The following PLCB4 variants were observed in gnomAD, a reference collection of about 807,000 sequenced individuals.
The protein encoded by PLCB4 is 1-phosphatidylinositol 4,5-bisphosphate phosphodiesterase beta-4.
Under a neutral mutation model 178.8 loss-of-function variants are expected in PLCB4, and 77 were observed. The observed-to-expected ratio is 0.43, with a 90% CI of 0.36 to 0.52. The LOEUF (loss-of-function observed/expected upper bound fraction) is 0.52, where lower values mean the gene tolerates loss of function less well. PLCB4 is among the 20% of genes least tolerant of loss of function. The pLI is 0.00. For synonymous variants in PLCB4, 496 were observed against 490.8 expected (o/e 1.01, Z -0.14); for missense variants, 1,024 against 1,453.4 (o/e 0.70, Z 4.80).
At chr20:9,378,052 A>G (rs1194658629) in intron 12 of PLCB4, among the ~76,000 whole-genome samples, 1 of 152,104 alleles carries the variant, frequency 6.6e-6, no homozygotes, top group Non-Finnish European at 1.5e-5. Flanking sequence ...CCATCCACAG[A>G]TCACACTTCA....
At chr20:9,280,467 A>T in intron 3 of PLCB4, 1 of 984,380 alleles carries the variant, frequency 1.0e-6, no homozygotes, top group Non-Finnish European at 1.2e-6. Context: ...AGGGAAGGGA[A>T]AAAAAGGAGG....
chr20:9,344,265 C>T (rs909277383), intron 7 of PLCB4, among the ~76,000 whole-genome samples: 1 of 152,188 alleles, frequency 6.6e-6, no homozygotes, highest in Non-Finnish European at 1.5e-5. Flanking sequence ...GCTTTCTCCC[C>T]CACAGCCCTC....
intron 18 of PLCB4, 130 bp downstream of exon 18, chr20:9,393,808 C>T (rs1298816999): frequency 1.9e-6 from 1 of 515,752 alleles, no homozygotes; most frequent in Non-Finnish European, 3.4e-6. Flanking sequence ...GTTACAGGTA[C>T]TTTTCAGAGC....
intron 2 of PLCB4, among the ~76,000 whole-genome samples, chr20:9,203,056 A>ATATAT (rs1555875421): frequency 7.5e-4 from 95 of 126,122 alleles, no homozygotes; most frequent in African/African-American, 2.3e-3. Context: ...AAAAAAAAAA[A>ATATAT]ATATATATAT....
At chr20:9,085,216 C>T (rs1488635207) in intron 1 of PLCB4, among the ~76,000 whole-genome samples, 2 of 152,122 alleles carry the variant, frequency 1.3e-5, no homozygotes, top group South Asian at 4.1e-4. Context: ...GACATAGCTA[C>T]AGCATAGAAT....
chr20:9,202,781 A>G (rs1455910296), intron 2 of PLCB4, among the ~76,000 whole-genome samples: 1 of 152,124 alleles, frequency 6.6e-6, no homozygotes, highest in African/African-American at 2.4e-5. Context: ...TGAATAGGAA[A>G]CAGAATCAGA....
intron 26 of PLCB4, among the ~76,000 whole-genome samples, chr20:9,420,438 A>G (rs4816136): frequency 0.087 from 13,206 of 151,950 alleles, 877 homozygotes; most frequent in East Asian, 0.24. Flanking sequence ...CCCGGTTTCA[A>G]GTGATTCTCC....
At chr20:9,444,141 C>CA in intron 31 of PLCB4, 37 bp from the exon 32 acceptor site, 1 of 1,528,714 alleles carries the variant, frequency 6.5e-7, no homozygotes. Context: ...AAAGAAAAAA[C>CA]AAAAAACCTA....
At chr20:9,119,741 T>C (rs2091897171) in intron 2 of PLCB4, among the ~76,000 whole-genome samples, 1 of 152,250 alleles carries the variant, frequency 6.6e-6, no homozygotes, top group Non-Finnish European at 1.5e-5. Flanking sequence ...TAAAGATTTG[T>C]TGGCAACCAT....
chr20:9,279,250 A>G (rs1013413160), intron 3 of PLCB4, among the ~76,000 whole-genome samples: 8 of 152,108 alleles, frequency 5.3e-5, no homozygotes, highest in African/African-American at 1.7e-4. Context: ...AATGCTTCCT[A>G]TGTGCAAGGT....
chr20:9,420,163 T>A (rs976896746), intron 26 of PLCB4, among the ~76,000 whole-genome samples: 3 of 152,022 alleles, frequency 2.0e-5, no homozygotes, highest in Non-Finnish European at 2.9e-5. Flanking sequence ...AAAATGCAAA[T>A]TATAGTGACA....
chr20:9,372,120 A>C (rs1352434003), intron 10 of PLCB4, among the ~76,000 whole-genome samples, 183 bp from the exon 11 acceptor site: 1 of 152,148 alleles, frequency 6.6e-6, no homozygotes, highest in Non-Finnish European at 1.5e-5. Context: ...ATGTACACGC[A>C]CTGTTTTTTA....
intron 2 of PLCB4, among the ~76,000 whole-genome samples, chr20:9,159,637 C>T (rs2092850958): frequency 6.6e-6 from 1 of 152,040 alleles, no homozygotes; most frequent in Admixed American, 6.6e-5. Context: ...TTTTCTGATG[C>T]CTTTTACAGT....
chr20:9,136,894 G>A (rs1471190101), intron 2 of PLCB4, among the ~76,000 whole-genome samples: 1 of 152,028 alleles, frequency 6.6e-6, no homozygotes, highest in Non-Finnish European at 1.5e-5. Flanking sequence ...GGCATTAATT[G>A]CAACATTGGT....
chr20:9,174,348 G>A (rs758134657), intron 2 of PLCB4, among the ~76,000 whole-genome samples: 2 of 151,216 alleles, frequency 1.3e-5, no homozygotes, highest in Non-Finnish European at 2.9e-5. Context: ...GTCTTACTAT[G>A]TTGGCCAATC....
chr20:9,405,890 A>G (rs1313056626), intron 21 of PLCB4, among the ~76,000 whole-genome samples: 1 of 152,234 alleles, frequency 6.6e-6, no homozygotes, highest in Non-Finnish European at 1.5e-5. Context: ...AAGTTTGCCT[A>G]ATAACTTCAT....
chr20:9,375,991 A>G lies in PLCB4; in HGVS notation c.744+2887A>G, dbSNP rs150799644. Among the ~76,000 whole-genome samples, 257 of 152,174 alleles carry G rather than the reference A, an allele frequency of 1.7e-3. 1 individual carries two copies. The highest frequency in any genetic ancestry group is 6.8e-3 in the Middle Eastern group (2 of 294). On this transcript the variant is annotated intron_variant, in intron 12 of 39. Coordinates refer to ENST00000378473, the MANE Select transcript of PLCB4 (RefSeq NM_001377142.1). ...CTATGAAAGTTTTTATTCATATACT[A>G]ATGTGTATCTTCAGGGGGCTGCAAG...
chr20:9,203,748 A>G (rs1376752377), intron 2 of PLCB4, among the ~76,000 whole-genome samples: 1 of 140,822 alleles, frequency 7.1e-6, no homozygotes, highest in African/African-American at 2.6e-5. Flanking sequence ...AAACCACTCT[A>G]TATTCCGAAG....
intron 27 of PLCB4, among the ~76,000 whole-genome samples, chr20:9,421,843 G>C (rs974648268): frequency 6.6e-6 from 1 of 152,136 alleles, no homozygotes; most frequent in African/African-American, 2.4e-5. Flanking sequence ...CAAAATTTTG[G>C]TCAATAGATG....
Sources: allele counts gnomAD v4.1 joint callset (sites outside exome capture counted in the v4.1 genomes callset), GRCh38; gene constraint gnomAD v4.1.1; transcripts MANE v1.5; gene names NCBI Gene and HGNC (gene_info 2026-07-23, HGNC 2026-07-21).